SLC10A7: variants seen among roughly 807,000 people sequenced by gnomAD.
SLC10A7 encodes sodium/bile acid cotransporter 7.
SLC10A7 carries 29 observed loss-of-function variants against 43.2 expected under a neutral mutation model. That is an observed-to-expected ratio of 0.67 (90% CI 0.50 to 0.92). The LOEUF (loss-of-function observed/expected upper bound fraction) is 0.92, where lower values mean the gene tolerates loss of function less well. SLC10A7 is among the 40% of genes least tolerant of loss of function. SLC10A7 has a pLI of 0.00. For synonymous variants in SLC10A7, 152 were observed against 144.8 expected (o/e 1.05, Z -0.35); for missense variants, 295 against 403.2 (o/e 0.73, Z 2.30).
At chr4:146,441,167 G>GA (rs1035269024) in intron 5 of SLC10A7, among the ~76,000 whole-genome samples, 1 of 150,332 alleles carries the variant, frequency 6.7e-6, no homozygotes, top group East Asian at 1.9e-4. Context: ...ATTAGGGTAA[G>GA]AAAAAAAAAG....
chr4:146,439,324 T>C (rs1730434313), intron 5 of SLC10A7, among the ~76,000 whole-genome samples: 1 of 152,126 alleles, frequency 6.6e-6, no homozygotes, highest in African/African-American at 2.4e-5. Flanking sequence ...CAGTATTTTA[T>C]TTATACCCAG....
chr4:146,452,411 A>C (rs13120390), intron 4 of SLC10A7, among the ~76,000 whole-genome samples: 80,753 of 151,914 alleles, frequency 0.53, 22,029 homozygotes, highest in East Asian at 0.64. Context: ...GAAGACTAAA[A>C]CATCAAAGAC....
intron 2 of SLC10A7, among the ~76,000 whole-genome samples, chr4:146,511,377 C>A (rs932701376): frequency 4.6e-5 from 7 of 152,126 alleles, no homozygotes; most frequent in Non-Finnish European, 1.0e-4. Flanking sequence ...AGCAAGTGAT[C>A]ATTAAAACAT....
chr4:146,505,466 C>T (rs948669259), intron 3 of SLC10A7, among the ~76,000 whole-genome samples: 9 of 152,058 alleles, frequency 5.9e-5, no homozygotes, highest in Non-Finnish European at 1.3e-4. Flanking sequence ...TTTGGGGAGT[C>T]AAAAGTTATA....
In SLC10A7 at chr4:146,272,422, C is replaced by G. The variant is rs76155762; in HGVS notation, c.847+10770G>C. Among the ~76,000 whole-genome samples the G allele has an allele frequency of 1.2e-3, 184 of 152,234 alleles. 2 individuals carry two copies. In the East Asian group the frequency reaches 0.02, roughly 16 times the overall value. ...ATAGCTTGAAAAAGTGGGTAGCTAA[C>G]TTTAATTTCTGGCTGGAGTTGTTTG... On this transcript the variant is annotated intron_variant, in intron 10 of 11. Coordinates refer to ENST00000335472, the MANE Select transcript of SLC10A7 (RefSeq NM_001029998.6).
chr4:146,445,914 TGCACGTGCGCACGCGC>T (rs1428253516), intron 4 of SLC10A7, among the ~76,000 whole-genome samples: 5 of 151,016 alleles, frequency 3.3e-5, no homozygotes, highest in Admixed American at 2.0e-4. Context: ...TGTGTGTGTG[TGCACGTGCGCACGCGC>T]GTGCACGGGA....
chr4:146,274,488 G>A (rs1327472705), intron 10 of SLC10A7, among the ~76,000 whole-genome samples: 1 of 152,130 alleles, frequency 6.6e-6, no homozygotes, highest in Non-Finnish European at 1.5e-5. Flanking sequence ...ACAGGCATGA[G>A]CCACCGTGCC....
chr4:146,475,127 G>C (rs1274702290), intron 4 of SLC10A7, among the ~76,000 whole-genome samples: 1 of 151,978 alleles, frequency 6.6e-6, no homozygotes, highest in Non-Finnish European at 1.5e-5. Context: ...GAAATTACAC[G>C]TTAAAATAGA....
At chr4:146,480,828 G>C (rs1043931832) in intron 4 of SLC10A7, among the ~76,000 whole-genome samples, 1 of 152,084 alleles carries the variant, frequency 6.6e-6, no homozygotes, top group Non-Finnish European at 1.5e-5. Context: ...GAAGCTGCTA[G>C]GGATCTTTCT....
At chr4:146,515,355 T>C (rs1319932069) in intron 2 of SLC10A7, among the ~76,000 whole-genome samples, 1 of 152,166 alleles carries the variant, frequency 6.6e-6, no homozygotes, top group Admixed American at 6.5e-5. Flanking sequence ...TAGTAGCAAA[T>C]ATCTTTCTGT....
chr4:146,368,408 T>G (rs76248328), intron 5 of SLC10A7, among the ~76,000 whole-genome samples: 3,318 of 152,278 alleles, frequency 0.022, 112 homozygotes, highest in African/African-American at 0.075. Flanking sequence ...ATGGTACTGT[T>G]ACATAGCTTT....
intron 9 of SLC10A7, among the ~76,000 whole-genome samples, chr4:146,284,878 A>T (rs375883086): frequency 1.3e-5 from 2 of 152,188 alleles, no homozygotes; most frequent in Non-Finnish European, 2.9e-5. Context: ...ACAGACATAC[A>T]TGAGAAAGAG....
chr4:146,432,771 G>A (rs1729873513), intron 5 of SLC10A7, among the ~76,000 whole-genome samples: 1 of 152,158 alleles, frequency 6.6e-6, no homozygotes, highest in Admixed American at 6.5e-5. Flanking sequence ...CGGCCGCGGT[G>A]GCTCATGCCT....
chr4:146,325,181 T>G (rs920581683), intron 6 of SLC10A7, among the ~76,000 whole-genome samples: 1 of 152,234 alleles, frequency 6.6e-6, no homozygotes, highest in African/African-American at 2.4e-5. Context: ...CCCCACTACA[T>G]TTCAGTGATA....
At chr4:146,289,941 C>T (rs1290735545) in intron 9 of SLC10A7, among the ~76,000 whole-genome samples, 1 of 149,426 alleles carries the variant, frequency 6.7e-6, no homozygotes, top group Non-Finnish European at 1.5e-5. Context: ...GTTTTGAACT[C>T]CTGACCTCGT....
At chr4:146,257,035 T>C in intron 11 of SLC10A7, 1 of 829,380 alleles carries the variant, frequency 1.2e-6, no homozygotes, top group Non-Finnish European at 1.9e-6. Flanking sequence ...TTTAAATGTT[T>C]GGAAGAAAAA....
At chr4:146,456,826 T>C (rs1732108429) in intron 4 of SLC10A7, among the ~76,000 whole-genome samples, 1 of 151,882 alleles carries the variant, frequency 6.6e-6, no homozygotes, top group Admixed American at 6.6e-5. Flanking sequence ...TCTAATCACA[T>C]GCTTGGTCTT....
intron 5 of SLC10A7, among the ~76,000 whole-genome samples, chr4:146,345,595 C>T (rs910664059): frequency 1.3e-5 from 2 of 152,026 alleles, no homozygotes; most frequent in African/African-American, 4.8e-5. Flanking sequence ...ATTATAGATT[C>T]CCCCTAAATA....
At chr4:146,517,976 C>A (rs1363657828) in intron 1 of SLC10A7, among the ~76,000 whole-genome samples, 1 of 152,022 alleles carries the variant, frequency 6.6e-6, no homozygotes, top group Non-Finnish European at 1.5e-5. Context: ...TTGCTATGAC[C>A]GTAATTATTA....
Sources: gnomAD v4.1 joint callset for allele counts (sites outside exome capture counted in the v4.1 genomes callset) on GRCh38, gnomAD v4.1.1 for gene constraint, MANE v1.5 for transcripts, NCBI Gene and HGNC (gene_info 2026-07-23, HGNC 2026-07-21) for gene names.